Variants in NUP107 observed in about 807,000 individuals in gnomAD.
NUP107 encodes nuclear pore complex protein Nup107.
A neutral mutation model predicts 141.0 loss-of-function variants in NUP107; 101 were observed. The observed-to-expected ratio is 0.72, with a 90% CI of 0.61 to 0.84. NUP107 has a LOEUF of 0.84. Ranked by LOEUF, NUP107 falls within the 40% of genes least tolerant of loss-of-function variation. The probability of loss-of-function intolerance (pLI) is 0.00; values close to 1 mark genes in which losing one functional copy is unlikely to be tolerated. For synonymous variants in NUP107, 319 were observed against 363.9 expected (o/e 0.88, Z 1.41); for missense variants, 941 against 1,102.7 (o/e 0.85, Z 2.08).
In NUP107 at chr12:68,713,786, T is replaced by C. The variant is rs1388105444; in HGVS notation, c.947T>C (p.Val316Ala). Residue 316 changes from valine to alanine, a missense_variant, in exon 11 of 28, where the codon GTT becomes GCT. Physicochemically the swap from Val to Ala is moderately conservative, Grantham distance 64. Transcript: ENST00000229179. ...QRQLTSYVGS[V>A]RPLVTELDPD... ...CAGCTGACTTCTTACGTTGGAAGTG[T>C]TCGTCCGCTTGTCACTGAATTGGTA... is the stretch of plus-strand genomic sequence containing the variant. 1 of 1,610,784 alleles carries C rather than the reference T, an allele frequency of 6.2e-7. No individual in the cohort carries two copies. The highest frequency in any genetic ancestry group is 1.1e-5 in the South Asian group (1 of 90,138).
chr12:68,695,413 C>G (rs1876004315), intron 5 of NUP107, among the ~76,000 whole-genome samples: 1 of 152,172 alleles, frequency 6.6e-6, no homozygotes, highest in Non-Finnish European at 1.5e-5. Flanking sequence ...GTGATCTATA[C>G]ATACAGTGGA....
intron 1 of NUP107, chr12:68,687,442 A>G: frequency 9.2e-7 from 1 of 1,082,368 alleles, no homozygotes; most frequent in Non-Finnish European, 1.1e-6. Flanking sequence ...CTCAGCCCAG[A>G]CTTTCTGATT....
At chr12:68,712,023 G>A (rs1592505479) in intron 10 of NUP107, among the ~76,000 whole-genome samples, 1 of 152,094 alleles carries the variant, frequency 6.6e-6, no homozygotes, top group South Asian at 2.1e-4. Flanking sequence ...GTTTTGTTTT[G>A]TCTTGCTTTT....
intron 8 of NUP107, 42 bp downstream of exon 8, chr12:68,702,826 ATTAAAATGTTACTAATAGGATTT>A (rs1171116626): frequency 8.7e-6 from 10 of 1,151,106 alleles, no homozygotes; most frequent in Non-Finnish European, 1.2e-5. Flanking sequence ...ATACATACAA[ATTAAAATGTTACTAATAGGATTT>A]TTTTTTTTTT....
intron 27 of NUP107, 93 bp from the exon 28 acceptor site, chr12:68,742,262 C>G: frequency 1.3e-6 from 1 of 773,094 alleles, no homozygotes; most frequent in East Asian, 2.6e-5. Flanking sequence ...GGCATTTCTT[C>G]TTATATGAAG....
intron 26 of NUP107, among the ~76,000 whole-genome samples, chr12:68,737,876 C>T (rs1259306575): frequency 6.6e-6 from 1 of 152,188 alleles, no homozygotes; most frequent in South Asian, 2.1e-4. Flanking sequence ...AACGGTGGCT[C>T]ATCCCTATAA....
At chr12:68,737,560 CAAAA>C (rs757208798) in intron 26 of NUP107, among the ~76,000 whole-genome samples, 2 of 72,070 alleles carry the variant, frequency 2.8e-5, no homozygotes, top group African/African-American at 5.5e-5. Flanking sequence ...GACCCTGTCT[CAAAA>C]AAAAAAAAAA....
chr12:68,691,034 T>G (rs1483441694), intron 4 of NUP107, among the ~76,000 whole-genome samples: 1 of 151,722 alleles, frequency 6.6e-6, no homozygotes, highest in African/African-American at 2.4e-5. Context: ...GACCTGTGAT[T>G]GCAAAAGAAA....
At chr12:68,711,357 TA>T (rs1190793686) in intron 10 of NUP107, among the ~76,000 whole-genome samples, 2 of 140,216 alleles carry the variant, frequency 1.4e-5, no homozygotes, top group African/African-American at 5.4e-5. Flanking sequence ...TCTCAAAAAA[TA>T]AATAAATAAA....
At chr12:68,698,508 TAC>T (rs897587334) in intron 6 of NUP107, among the ~76,000 whole-genome samples, 9 of 152,234 alleles carry the variant, frequency 5.9e-5, no homozygotes, top group Non-Finnish European at 1.2e-4. Flanking sequence ...AGACGTTTAT[TAC>T]AGTTTTATTC....
At position 68,735,116 on chromosome 12, in the gene NUP107, T is replaced by C. The variant is rs1245188636; in HGVS notation, c.2389-115T>C. ...ATACTTATTTTTGTACTTGGCAGAC[T>C]GAAACATCAACTCTTTAGAATGATG... On this transcript the variant is annotated intron_variant, in intron 25 of 27. Transcript: ENST00000229179. The C allele has an allele frequency of 2.3e-5, 18 of 783,680 alleles. No homozygotes were observed. In the East Asian group the frequency reaches 4.3e-4, roughly 19 times the overall value. 48.5% of individuals were successfully genotyped at this position (783,680 alleles called of 1,614,324 possible).
At chr12:68,703,659 C>T (rs1035477184) in intron 8 of NUP107, among the ~76,000 whole-genome samples, 1 of 152,132 alleles carries the variant, frequency 6.6e-6, no homozygotes, top group Non-Finnish European at 1.5e-5. Context: ...CTGTATTGAC[C>T]AGGCTGGTCT....
At chr12:68,721,066 A>G (rs780694439) in intron 14 of NUP107, 52 bp from the exon 15 acceptor site, 3 of 1,205,128 alleles carry the variant, frequency 2.5e-6, no homozygotes, top group Non-Finnish European at 3.7e-6. Flanking sequence ...AGGAAAATTG[A>G]CATACTAAGA....
intron 8 of NUP107, chr12:68,705,563 G>T: frequency 4.7e-6 from 1 of 213,644 alleles, no homozygotes; most frequent in South Asian, 6.4e-5. Flanking sequence ...GAATCACCAA[G>T]AAGCAGCTTC....
chr12:68,688,919 A>G (rs368533095), intron 1 of NUP107, 43 bp from the exon 2 acceptor site: 29 of 1,413,772 alleles, frequency 2.1e-5, no homozygotes, highest in Non-Finnish European at 2.8e-5. Context: ...TATAAATGCT[A>G]TATTCTCGTT....
At chr12:68,730,151 A>G (rs916112366) in intron 20 of NUP107, among the ~76,000 whole-genome samples, 4 of 146,114 alleles carry the variant, frequency 2.7e-5, no homozygotes, top group African/African-American at 1.0e-4. Flanking sequence ...TTTTTTGTAG[A>G]GACTGGGTCT....
Position 68,721,439 on chromosome 12 carries a change from A to G in NUP107, c.1311+262A>G, listed in dbSNP as rs551566463. On this transcript the variant is annotated intron_variant, in intron 15 of 27. Coordinates refer to ENST00000229179, the MANE Select transcript of NUP107 (RefSeq NM_020401.4). Reference sequence around the variant, plus strand: ...TAAGAATTGTAAATTTAACTCCAACACACATTTATTGATGACTTAAAATAC... The same window carrying G: ...TAAGAATTGTAAATTTAACTCCAACGCACATTTATTGATGACTTAAAATAC... Among the ~76,000 whole-genome samples the G allele has an allele frequency of 2.3e-4, 35 of 152,308 alleles. 1 individual carries two copies. In the South Asian group the frequency reaches 7.0e-3, roughly 31 times the overall value.
intron 26 of NUP107, among the ~76,000 whole-genome samples, chr12:68,741,276 G>A (rs1179031108): frequency 6.6e-6 from 1 of 151,912 alleles, no homozygotes. Flanking sequence ...TATCTGTTCT[G>A]ACTCATTAAT....
chr12:68,690,784 C>T (rs775489239), intron 4 of NUP107, 38 bp downstream of exon 4: 25 of 1,603,280 alleles, frequency 1.6e-5, no homozygotes, highest in Admixed American at 8.4e-5. Flanking sequence ...CCTTTTGGGT[C>T]GAGTGTGGTG....
Sources: allele counts gnomAD v4.1 joint callset (sites outside exome capture counted in the v4.1 genomes callset), GRCh38; gene constraint gnomAD v4.1.1; transcripts MANE v1.5; gene names NCBI Gene and HGNC (gene_info 2026-07-23, HGNC 2026-07-21).